The following GLIS1 variants were observed in gnomAD, a reference collection of about 807,000 sequenced individuals.
The protein encoded by GLIS1 is GLIS family zinc finger 1.
In GLIS1, 24 loss-of-function variants were observed where a neutral mutation model predicts 63.8. The observed-to-expected ratio is 0.38, with a 90% confidence interval of 0.27 to 0.53. The LOEUF is 0.53. Among genes scored for constraint, GLIS1 ranks in the 20% least tolerant of loss-of-function variants. The pLI, the probability that GLIS1 is intolerant of heterozygous loss-of-function variation, is 0.85. For missense variants in GLIS1, 1,036 were observed against 1,074.1 expected (o/e 0.96, Z 0.50); for synonymous variants, 450 against 482.5 (o/e 0.93, Z 0.88).
At chr1:53,535,548 C>T (rs1644573622) in intron 4 of GLIS1, among the ~76,000 whole-genome samples, 1 of 152,042 alleles carries the variant, frequency 6.6e-6, no homozygotes, top group African/African-American at 2.4e-5. Context: ...GACCTCCCAC[C>T]TTCTACCTGG....
chr1:53,609,296 T>TTTTTAA, intron 2 of GLIS1, among the ~76,000 whole-genome samples: 1 of 120,148 alleles, frequency 8.3e-6, no homozygotes, highest in East Asian at 2.5e-4. Flanking sequence ...TTTTTTGAGA[T>TTTTTAA]GCAGTCTCAC....
At chr1:53,685,647 C>T (rs1178857132) in intron 2 of GLIS1, among the ~76,000 whole-genome samples, 1 of 152,222 alleles carries the variant, frequency 6.6e-6, no homozygotes, top group East Asian at 1.9e-4. Flanking sequence ...CCTGAGACAA[C>T]TGTCACTTCC....
Position 53,594,790 on chromosome 1 carries a change from C to A in GLIS1, c.638G>T (p.Cys213Phe), listed in dbSNP as rs1645236698. The stretch of plus-strand genomic sequence containing the variant: ...GCTGGGTTCGCTGCCCAGAAGGTAG[C>A]AGGAAGGCGCAGGGGTGGCGAGGCT... ...GRSLATPAPSCYLLGSEPSSG... is the reference protein window; with the variant it reads ...GRSLATPAPSFYLLGSEPSSG... Residue 213 changes from cysteine to phenylalanine, a missense_variant, in exon 4 of 11, where the codon TGC becomes TTC. This residue lies in a region of GLIS1 where 592 missense variants were observed against 593.9 expected (regional missense o/e 1.00). Transcript: ENST00000628545. 1.2e-6 allele frequency: 2 copies of A among 1,605,382 alleles called. No individual in the cohort carries two copies. Among genetic ancestry groups the A allele is most frequent in the Non-Finnish European group, 1.7e-6 (2 of 1,176,344 alleles).
intron 4 of GLIS1, among the ~76,000 whole-genome samples, chr1:53,590,428 T>C (rs2100519728): frequency 6.6e-6 from 1 of 152,256 alleles, no homozygotes; most frequent in Non-Finnish European, 1.5e-5. Context: ...ATTGTTGTTT[T>C]ATAAAACCCA....
At chr1:53,658,771 G>A (rs1246114804) in intron 2 of GLIS1, among the ~76,000 whole-genome samples, 3 of 152,196 alleles carry the variant, frequency 2.0e-5, no homozygotes, top group African/African-American at 7.2e-5. Context: ...GCAGGAGGTA[G>A]GGGTGTAGAG....
intron 1 of GLIS1, 32 bp from the exon 2 acceptor site, chr1:53,738,138 A>T (rs2100589576): frequency 2.5e-6 from 3 of 1,183,710 alleles, no homozygotes; most frequent in South Asian, 8.6e-5. Context: ...GCCAGTTAGA[A>T]TGCGGAAAGC....
intron 2 of GLIS1, among the ~76,000 whole-genome samples, chr1:53,676,220 C>T (rs944864708): frequency 2.0e-5 from 3 of 152,192 alleles, no homozygotes; most frequent in African/African-American, 4.8e-5. Context: ...CCAAGGGTGT[C>T]AGCCTCAGTG....
chr1:53,544,244 A>G (rs988786433), intron 4 of GLIS1, among the ~76,000 whole-genome samples: 2 of 152,216 alleles, frequency 1.3e-5, no homozygotes, highest in African/African-American at 4.8e-5. Context: ...AGATCACTGC[A>G]TTGCACTTGG....
intron 10 of GLIS1, among the ~76,000 whole-genome samples, chr1:53,507,674 G>A (rs1235854655): frequency 1.3e-5 from 2 of 152,196 alleles, no homozygotes; most frequent in East Asian, 1.9e-4. Context: ...TTGCTTGACC[G>A]GGGAGGTGTG....
At chr1:53,698,652 C>T (rs1646491877) in intron 2 of GLIS1, among the ~76,000 whole-genome samples, 1 of 152,156 alleles carries the variant, frequency 6.6e-6, no homozygotes, top group South Asian at 2.1e-4. Flanking sequence ...CCGGGTAGAC[C>T]GAGGCTGCTG....
In GLIS1 at chr1:53,639,632, C is replaced by A. The variant is rs906353544; in HGVS notation, c.260-39354G>T. Among the ~76,000 whole-genome samples the A allele has an allele frequency of 1.3e-5, 2 of 152,100 alleles. No homozygotes were observed. Among genetic ancestry groups the A allele is most frequent in the African/African-American group, 4.8e-5 (2 of 41,412 alleles). On this transcript the variant is annotated intron_variant, in intron 2 of 10. Transcript: ENST00000628545. This position sits in a 1 kb window ranked among gnomAD's most constrained non-coding sequence, Gnocchi z 4.6. ...TAATATTTTCTTTCCTGTCTTACCT[C>A]GGAGACAGGGTGGGGCTTTTTTTTT...
In GLIS1 at chr1:53,589,132, G is replaced by A. The variant is rs1179784725; in HGVS notation, c.1320+4976C>T. On this transcript the variant is annotated intron_variant, in intron 4 of 10. Coordinates refer to ENST00000628545, the MANE Select transcript of GLIS1 (RefSeq NM_001367484.1). Reference sequence around the variant, plus strand: ...CGGAGGTTTTTGTTTTTGAGACAGGGTCATGCTCTGTCACCCAGGCTGGAG... The same window carrying A: ...CGGAGGTTTTTGTTTTTGAGACAGGATCATGCTCTGTCACCCAGGCTGGAG... Among the ~76,000 whole-genome samples, 3 of 152,156 alleles carry A rather than the reference G, an allele frequency of 2.0e-5. No individual in the cohort carries two copies. The East Asian group carries it at 5.8e-4, about 29-fold the overall frequency.
chr1:53,738,649 C>T (rs926550903), intron 1 of GLIS1, among the ~76,000 whole-genome samples: 2 of 152,218 alleles, frequency 1.3e-5, no homozygotes, highest in African/African-American at 4.8e-5. Flanking sequence ...ACCACCCGAA[C>T]CTGGAAAACA....
chr1:53,592,444 CA>C (rs1280252535), intron 4 of GLIS1, among the ~76,000 whole-genome samples: 2 of 152,188 alleles, frequency 1.3e-5, no homozygotes, highest in Non-Finnish European at 2.9e-5. Context: ...CCCACAGACT[CA>C]CCCATAAAAG....
At chr1:53,681,448 G>T (rs1407701746) in intron 2 of GLIS1, among the ~76,000 whole-genome samples, 1 of 152,252 alleles carries the variant, frequency 6.6e-6, no homozygotes. Flanking sequence ...ATACTGGCTG[G>T]AGCCAGAAAG....
At chr1:53,669,992 G>A (rs1424253511) in intron 2 of GLIS1, among the ~76,000 whole-genome samples, 1 of 152,242 alleles carries the variant, frequency 6.6e-6, no homozygotes, top group Non-Finnish European at 1.5e-5. Flanking sequence ...CTTAAAGTGG[G>A]ACAGACTCCG....
intron 2 of GLIS1, among the ~76,000 whole-genome samples, chr1:53,725,382 T>G (rs1038383133): frequency 2.0e-5 from 3 of 152,142 alleles, no homozygotes; most frequent in African/African-American, 7.2e-5. Flanking sequence ...ACCTCACTGA[T>G]TCTCATGCTA....
intron 2 of GLIS1, among the ~76,000 whole-genome samples, chr1:53,664,741 C>T (rs1211605184): frequency 6.6e-6 from 1 of 152,156 alleles, no homozygotes; most frequent in East Asian, 1.9e-4. Flanking sequence ...GAAGCTGGGG[C>T]CTGGGGGTGG....
At chr1:53,572,525 T>C (rs1425050285) in intron 4 of GLIS1, among the ~76,000 whole-genome samples, 1 of 152,232 alleles carries the variant, frequency 6.6e-6, no homozygotes, top group African/African-American at 2.4e-5. Context: ...GGGAGACTCT[T>C]TCCAGCCCTG....
Sources: gnomAD v4.1 joint callset for allele counts (sites outside exome capture counted in the v4.1 genomes callset) on GRCh38, gnomAD v4.1.1 for gene constraint, gnomAD v4.1.1 regional missense constraint, Gnocchi (gnomAD v3.1) non-coding constraint, MANE v1.5 for transcripts, NCBI Gene and HGNC (gene_info 2026-07-23, HGNC 2026-07-21) for gene names.